The following WDR64 variants were observed in gnomAD, a reference collection of about 807,000 sequenced individuals.
WDR64 encodes WD repeat domain 64.
WDR64 carries 112 observed loss-of-function variants against 139.3 expected under a neutral mutation model. That is an observed-to-expected ratio of 0.80 (90% CI 0.69 to 0.94). The LOEUF is 0.94. WDR64 is among the 40% of genes least tolerant of loss of function. The pLI is 0.00. For missense variants in WDR64, 1,206 were observed against 1,293.1 expected (o/e 0.93, Z 1.03); for synonymous variants, 444 against 437.7 (o/e 1.01, Z -0.18).
At chr1:241,792,036 C>G (rs1239605261) in intron 25 of WDR64, among the ~76,000 whole-genome samples, 5 of 152,174 alleles carry the variant, frequency 3.3e-5, no homozygotes. Context: ...AGGTTTTCCA[C>G]AAAATAAACC....
In WDR64 at chr1:241,656,652, C is replaced by T. The variant is rs1665606464; in HGVS notation, c.146-3878C>T. ...GTTTTGAAACTGGAAACCTGAGTGT[C>T]ATTCTAGAACCAGGTATCTTAACCT... is the stretch of plus-strand genomic sequence containing the variant. On this transcript the variant is annotated intron_variant, in intron 1 of 27. Coordinates refer to ENST00000437684, the MANE Select transcript of WDR64 (RefSeq NM_001367482.1). The surrounding 1 kb of genome is among the most constrained non-coding windows in gnomAD (Gnocchi z 4.3). Among the ~76,000 whole-genome samples the T allele has an allele frequency of 2.0e-5, 3 of 152,052 alleles. No individual in the cohort carries two copies. Among genetic ancestry groups the T allele is most frequent in the Admixed American group, 2.0e-4 (3 of 15,252 alleles).
chr1:241,796,145 G>A, intron 26 of WDR64, 112 bp from the exon 27 acceptor site: 1 of 519,784 alleles, frequency 1.9e-6, no homozygotes. Flanking sequence ...GAAGAAGGGG[G>A]GTGTGTATTT....
At chr1:241,707,691 C>T (rs777957117) in intron 8 of WDR64, among the ~76,000 whole-genome samples, 20 of 152,124 alleles carry the variant, frequency 1.3e-4, no homozygotes, top group Non-Finnish European at 2.6e-4. Context: ...CAGGCTGTGC[C>T]CCCCACAGCT....
At chr1:241,771,955 T>C (rs376393017) in intron 19 of WDR64, among the ~76,000 whole-genome samples, 13,926 of 81,254 alleles carry the variant, frequency 0.17, 1,100 homozygotes, top group Non-Finnish European at 0.23. Flanking sequence ...CATATATATA[T>C]ATATATATAT....
chr1:241,785,426 C>T (rs898073206), intron 23 of WDR64, among the ~76,000 whole-genome samples: 1 of 152,118 alleles, frequency 6.6e-6, no homozygotes, highest in Admixed American at 6.5e-5. Flanking sequence ...TTTTAAAAGA[C>T]ACTAATTCCA....
intron 15 of WDR64, among the ~76,000 whole-genome samples, 184 bp from the exon 16 acceptor site, chr1:241,766,034 T>G (rs1390053807): frequency 1.3e-5 from 2 of 152,220 alleles, no homozygotes; most frequent in Non-Finnish European, 2.9e-5. Flanking sequence ...TAATGAATTC[T>G]GCCAGTTAAA....
At chr1:241,687,663 G>A in intron 8 of WDR64, 68 bp downstream of exon 8, 1 of 1,460,598 alleles carries the variant, frequency 6.8e-7, no homozygotes, top group South Asian at 1.3e-5. Flanking sequence ...ATAAAACCAT[G>A]ACAGCTTTGA....
chr1:241,776,068 GT>G (rs1313741714), intron 21 of WDR64, among the ~76,000 whole-genome samples: 1 of 151,790 alleles, frequency 6.6e-6, no homozygotes, highest in Non-Finnish European at 1.5e-5. Flanking sequence ...TTCAAAATTT[GT>G]TTTAATTTTT....
intron 8 of WDR64, among the ~76,000 whole-genome samples, chr1:241,699,394 A>G (rs10926540): frequency 0.26 from 40,113 of 152,150 alleles, 5,642 homozygotes; most frequent in Non-Finnish European, 0.32. Flanking sequence ...TTGATGAATT[A>G]CTAAATTTAA....
At chr1:241,766,395 A>G (rs1401003124) in intron 16 of WDR64, 44 bp downstream of exon 16, 1 of 1,589,584 alleles carries the variant, frequency 6.3e-7, no homozygotes, top group Non-Finnish European at 8.6e-7. Context: ...GCTTTACTGC[A>G]GAAGGGCTCA....
At chr1:241,771,751 G>T in intron 19 of WDR64, 54 bp downstream of exon 19, 1 of 1,238,108 alleles carries the variant, frequency 8.1e-7, no homozygotes, top group Non-Finnish European at 1.1e-6. Flanking sequence ...TTTGCAAGAG[G>T]GCATTTAGGT....
intron 11 of WDR64, among the ~76,000 whole-genome samples, chr1:241,740,313 T>C (rs1021094603): frequency 6.6e-6 from 1 of 152,224 alleles, no homozygotes; most frequent in African/African-American, 2.4e-5. Context: ...TCAGTTACTG[T>C]CACTGTAATG....
At position 241,770,689 on chromosome 1, in the gene WDR64, A is replaced by G. The variant is rs933795289; in HGVS notation, c.2252A>G (p.Lys751Arg). The change falls in exon 18 of 28, where the codon AAG becomes AGG. Residue 751 changes from lysine (K) to arginine (R), a missense_variant and splice_region_variant. Physicochemically the swap from Lys to Arg is conservative, Grantham distance 26. Coordinates refer to ENST00000437684, the MANE Select transcript of WDR64 (RefSeq NM_001367482.1). ...CESSKGPQSS[K>R]GSKQSIHDSE... ...TCCAGCAAAGGTCCACAGAGCAGTA[A>G]GGTAAGCAAGACACAGACAGGGTCT... 1.3e-6 allele frequency: 2 copies of G among 1,551,424 alleles called. No individual in the cohort carries two copies. The highest frequency in any genetic ancestry group is 1.7e-6 in the Non-Finnish European group (2 of 1,146,810).
At chr1:241,674,979 T>TC (rs374588087) in intron 4 of WDR64, among the ~76,000 whole-genome samples, 6 of 35,474 alleles carry the variant, frequency 1.7e-4, no homozygotes, top group South Asian at 9.9e-4. Flanking sequence ...TTTCTTTCCT[T>TC]CTTTCCTCCC....
chr1:241,694,289 T>TCA (rs1361112004), intron 8 of WDR64, among the ~76,000 whole-genome samples: 2 of 152,172 alleles, frequency 1.3e-5, no homozygotes, highest in African/African-American at 4.8e-5. Context: ...ATTGTAGACT[T>TCA]CATGAAAGAT....
At chr1:241,799,327 AGATCGTGCC>A (rs1659460592) in intron 27 of WDR64, among the ~76,000 whole-genome samples, 1 of 151,414 alleles carries the variant, frequency 6.6e-6, no homozygotes, top group African/African-American at 2.4e-5. Context: ...CAGTGAGCCA[AGATCGTGCC>A]AAAGCATCTC....
At chr1:241,718,808 T>C (rs112059215) in intron 9 of WDR64, among the ~76,000 whole-genome samples, 7,039 of 152,148 alleles carry the variant, frequency 0.046, 211 homozygotes, top group South Asian at 0.08. Context: ...ATCTGCCTTC[T>C]CTCCATGTTC....
intron 8 of WDR64, among the ~76,000 whole-genome samples, chr1:241,697,533 C>T (rs984199253): frequency 3.3e-5 from 5 of 152,084 alleles, no homozygotes; most frequent in Admixed American, 6.6e-5. Context: ...GCTCACTCCC[C>T]CAGCGTCGAA....
At chr1:241,721,987 A>T (rs1362673416) in intron 9 of WDR64, among the ~76,000 whole-genome samples, 1 of 151,840 alleles carries the variant, frequency 6.6e-6, no homozygotes, top group Non-Finnish European at 1.5e-5. Context: ...AAGAGAGGAT[A>T]TGGTTTTGGT....
Sources: gnomAD v4.1 joint callset for allele counts (sites outside exome capture counted in the v4.1 genomes callset) on GRCh38, gnomAD v4.1.1 for gene constraint, Gnocchi (gnomAD v3.1) non-coding constraint, MANE v1.5 for transcripts, NCBI Gene and HGNC (gene_info 2026-07-23, HGNC 2026-07-21) for gene names.